CACNA1E: variants seen among roughly 807,000 people sequenced by gnomAD.
The protein encoded by CACNA1E is calcium voltage-gated channel subunit alpha1 E.
Under a neutral mutation model 259.2 loss-of-function variants are expected in CACNA1E, and 40 were observed. The ratio of observed to expected loss-of-function variants is 0.15; its 90% CI spans 0.12 to 0.20. The LOEUF is 0.20. Among genes scored for constraint, CACNA1E ranks in the 10% least tolerant of loss-of-function variants. The pLI is 1.00. For missense variants in CACNA1E, 1,874 were observed against 3,040.1 expected, an observed-to-expected ratio of 0.62 and a Z score of 9.02; for synonymous variants, 1,104 against 1,138.5, an observed-to-expected ratio of 0.97 and a Z score of 0.61.
At chr1:181,737,704 C>T (rs759145432) in intron 23 of CACNA1E, 50 bp downstream of exon 23, 1 of 1,585,132 alleles carries the variant, frequency 6.3e-7, no homozygotes, top group Middle Eastern at 1.7e-4. Context: ...CTGGTGCTCA[C>T]CCCATCCCAG....
chr1:181,781,973 G>T lies in CACNA1E; in HGVS notation c.5364+450G>T, dbSNP rs182708998. Among the ~76,000 whole-genome samples the T allele has an allele frequency of 2.8e-3, 425 of 152,338 alleles. 6 individuals are homozygous for T. Among genetic ancestry groups the T allele is most frequent in the Admixed American group, 8.2e-3 (126 of 15,304 alleles). The stretch of plus-strand genomic sequence containing the variant: ...CAGAAATTCCTTTAAACGTGGAATT[G>T]TTAGGAGAAAGGAAAATTCCTTTAA... On this transcript the variant is annotated intron_variant, in intron 39 of 47. Transcript: ENST00000367573.
intron 35 of CACNA1E, among the ~76,000 whole-genome samples, chr1:181,770,707 C>T (rs867902423): frequency 3.4e-4 from 52 of 152,132 alleles, no homozygotes; most frequent in African/African-American, 1.2e-3. Flanking sequence ...TGTTCAATCT[C>T]ATAGATTCTA....
At chr1:181,606,707 T>C (rs1654273297) in intron 6 of CACNA1E, among the ~76,000 whole-genome samples, 1 of 152,266 alleles carries the variant, frequency 6.6e-6, no homozygotes, top group Admixed American at 6.5e-5. Context: ...ACGAGTGGCC[T>C]CTGCCAGCCT....
At chr1:181,518,994 C>G (rs1191990359) in intron 3 of CACNA1E, among the ~76,000 whole-genome samples, 1 of 152,116 alleles carries the variant, frequency 6.6e-6, no homozygotes, top group Non-Finnish European at 1.5e-5. Flanking sequence ...CAGGGTGATA[C>G]AGGGAAAGAA....
intron 1 of CACNA1E, among the ~76,000 whole-genome samples, chr1:181,401,035 C>T (rs543792349): frequency 5.9e-5 from 9 of 152,162 alleles, no homozygotes; most frequent in South Asian, 2.1e-4. Context: ...ATTACATCGC[C>T]GATATCATCT....
At chr1:181,664,908 CA>C (rs1486868112) in intron 7 of CACNA1E, among the ~76,000 whole-genome samples, 1 of 152,176 alleles carries the variant, frequency 6.6e-6, no homozygotes, top group South Asian at 2.1e-4. Flanking sequence ...TACTGTTTTA[CA>C]AGCATTTATC....
intron 6 of CACNA1E, among the ~76,000 whole-genome samples, chr1:181,616,789 A>G (rs1655258243): frequency 6.6e-6 from 1 of 152,120 alleles, no homozygotes; most frequent in South Asian, 2.1e-4. Context: ...AAAAAAATTT[A>G]ATGAGGTTCA....
At chr1:181,425,726 C>CCTTCT (rs1446097993) in intron 2 of CACNA1E, among the ~76,000 whole-genome samples, 13 of 152,096 alleles carry the variant, frequency 8.5e-5, no homozygotes, top group African/African-American at 3.1e-4. Flanking sequence ...ACACTGTCCT[C>CCTTCT]CTTCTCTTCT....
chr1:181,338,724 A>T (rs187754740), intron 1 of CACNA1E, among the ~76,000 whole-genome samples: 1 of 152,266 alleles, frequency 6.6e-6, no homozygotes, highest in East Asian at 1.9e-4. Context: ...TATTCAAAAA[A>T]TTATTGCCAA....
intron 3 of CACNA1E, among the ~76,000 whole-genome samples, chr1:181,538,045 A>C (rs2102766172): frequency 6.6e-6 from 1 of 152,346 alleles, no homozygotes. Context: ...ATCTTGTAGA[A>C]GTTAGTTGGA....
intron 3 of CACNA1E, 72 bp from the exon 4 acceptor site, chr1:181,577,694 C>T: frequency 2.9e-6 from 3 of 1,019,046 alleles, no homozygotes; most frequent in Non-Finnish European, 4.5e-6. Context: ...TTGCCTCAGC[C>T]CCGCTTCCTG....
chr1:181,410,991 A>T (rs529317742), intron 1 of CACNA1E, among the ~76,000 whole-genome samples: 1 of 152,360 alleles, frequency 6.6e-6, no homozygotes, highest in East Asian at 1.9e-4. Flanking sequence ...GTGCTCAACC[A>T]TCCAACACTG....
chr1:181,660,879 C>A (rs192418234), intron 7 of CACNA1E, among the ~76,000 whole-genome samples: 1 of 152,174 alleles, frequency 6.6e-6, no homozygotes, highest in Non-Finnish European at 1.5e-5. Context: ...GACTGACTCA[C>A]GCAAGAGTTA....
chr1:181,760,448 T>A (rs1028950223), intron 32 of CACNA1E, among the ~76,000 whole-genome samples: 4 of 152,216 alleles, frequency 2.6e-5, no homozygotes, highest in African/African-American at 9.6e-5. Flanking sequence ...ATTGCCATTA[T>A]TGTTGTTGTT....
intron 2 of CACNA1E, among the ~76,000 whole-genome samples, chr1:181,424,028 C>A (rs886082522): frequency 6.6e-6 from 1 of 152,140 alleles, no homozygotes; most frequent in Non-Finnish European, 1.5e-5. Flanking sequence ...CAAAATCCAA[C>A]CTTCTCACTC....
chr1:181,632,137 A>G (rs995599330), intron 6 of CACNA1E, among the ~76,000 whole-genome samples: 3 of 132,092 alleles, frequency 2.3e-5, no homozygotes, highest in African/African-American at 9.4e-5. Context: ...CATTCTTCAT[A>G]TGACACCTCT....
chr1:181,437,851 T>A (rs774147801), intron 2 of CACNA1E, among the ~76,000 whole-genome samples: 1 of 152,174 alleles, frequency 6.6e-6, no homozygotes, highest in African/African-American at 2.4e-5. Flanking sequence ...TAAATCCACA[T>A]GTAAATGACT....
Position 181,716,113 on chromosome 1 carries a change from T to G in CACNA1E, c.1299T>G (p.Val433=). 1 of 1,563,360 alleles carries G rather than the reference T, an allele frequency of 6.4e-7. No homozygotes were observed. The highest frequency in any genetic ancestry group is 1.4e-5 in the African/African-American group (1 of 73,820). Residue 433 remains valine (V), a synonymous_variant, in exon 10 of 48, where the codon GTT becomes GTG. Transcript: ENST00000367573. ...GAGACTCCAGTGATGAGCACTGTGTTGATATCTCCTCTGTGGGTGAGTGGA... is the reference window on the plus strand; with the variant it reads ...GAGACTCCAGTGATGAGCACTGTGTGGATATCTCCTCTGTGGGTGAGTGGA... ...MTRDSSDEHC[V]DISSVGTPLA...
At chr1:181,634,477 C>A (rs1657025667) in intron 6 of CACNA1E, among the ~76,000 whole-genome samples, 1 of 152,228 alleles carries the variant, frequency 6.6e-6, no homozygotes, top group South Asian at 2.1e-4. Flanking sequence ...CTAATCATAA[C>A]ACATTTCTTC....
Sources: gnomAD v4.1 joint callset for allele counts (sites outside exome capture counted in the v4.1 genomes callset) on GRCh38, gnomAD v4.1.1 for gene constraint, MANE v1.5 for transcripts, NCBI Gene and HGNC (gene_info 2026-07-23, HGNC 2026-07-21) for gene names.